Variants in CRYZ observed in about 807,000 individuals in gnomAD.
CRYZ encodes the protein zeta-crystallin.
Under a neutral mutation model 34.1 loss-of-function variants are expected in CRYZ, and 35 were observed. That is an observed-to-expected ratio of 1.03 (90% CI 0.78 to 1.36). The LOEUF (loss-of-function observed/expected upper bound fraction) is 1.36, where lower values mean the gene tolerates loss of function less well. Among genes scored for constraint, CRYZ ranks in the 40% most tolerant of loss-of-function variants. The pLI, the probability that CRYZ is intolerant of heterozygous loss-of-function variation, is 0.00. For synonymous variants in CRYZ, 137 were observed against 136.5 expected, an observed-to-expected ratio of 1.00 and a Z score of -0.03; for missense variants, 403 against 391.8, an observed-to-expected ratio of 1.03 and a Z score of -0.24.
intron 1 of CRYZ, 55 bp from the exon 2 acceptor site, chr1:74,724,889 G>GC (rs1647257726): frequency 9.5e-7 from 1 of 1,052,420 alleles, no homozygotes; most frequent in Non-Finnish European, 1.4e-6. Flanking sequence ...ATATCACCAT[G>GC]TTTTTCCCCC....
At position 74,713,145 on chromosome 1, in the gene CRYZ, C is replaced by T. The variant is rs1647026850; in HGVS notation, c.480+1434G>A. 3.3e-5 allele frequency among the ~76,000 whole-genome samples: 5 copies of T among 152,094 alleles called. No individual in the cohort carries two copies. In the South Asian group the frequency reaches 1.0e-3, roughly 32 times the overall value. ...CACACACCAGGTCACCAGCCTATCCCTGCCAGCTGAGGATTTAACAAACTC... is the reference window on the plus strand; with the variant it reads ...CACACACCAGGTCACCAGCCTATCCTTGCCAGCTGAGGATTTAACAAACTC... On this transcript the variant is annotated intron_variant, in intron 5 of 8. Transcript: ENST00000340866.
Position 74,723,125 on chromosome 1 carries a change from GC to G in CRYZ, c.256del (p.Ala86LeufsTer55). On this transcript the variant is annotated frameshift_variant, in exon 3 of 9. Coordinates refer to ENST00000340866, the MANE Select transcript of CRYZ (RefSeq NM_001889.4). LOFTEE classifies it high-confidence loss of function. ...TAATTAAAAATGCAATACCTTGAAA[GC>G]AGATGCATTATCTCCAACAGCTTCT... ...VIEAVGDNAS[A>X]FKKGDRVFTS... is the part of the protein sequence containing the mutation. 6.2e-7 allele frequency: 1 copy of G among 1,610,570 alleles called. No individual in the cohort carries two copies. Among genetic ancestry groups the G allele is most frequent in the Non-Finnish European group, 8.5e-7 (1 of 1,179,164 alleles).
intron 6 of CRYZ, 148 bp downstream of exon 6, chr1:74,709,950 A>T: frequency 1.6e-6 from 1 of 624,918 alleles, no homozygotes; most frequent in East Asian, 2.8e-5. Context: ...TTTTTTAAAT[A>T]AAGTTTTAAA....
At chr1:74,731,898 T>C (rs1647770853) in intron 1 of CRYZ, among the ~76,000 whole-genome samples, 1 of 152,194 alleles carries the variant, frequency 6.6e-6, no homozygotes, top group Non-Finnish European at 1.5e-5. Context: ...TGTTTTGTAA[T>C]TTTCTTTTGA....
intron 1 of CRYZ, among the ~76,000 whole-genome samples, chr1:74,731,414 AAATC>A (rs1370019233): frequency 6.6e-6 from 1 of 152,240 alleles, no homozygotes; most frequent in Non-Finnish European, 1.5e-5. Flanking sequence ...CTTAGAAAAA[AAATC>A]AATCATTACA....
rs764539685 is a variant in CRYZ at position 74,724,816 on chromosome 1, C to T, written c.6G>A (p.Ala2=). Residue 2 remains alanine (A), a synonymous_variant, in exon 2 of 9, where the codon GCG becomes GCA. Coordinates refer to ENST00000340866, the MANE Select transcript of CRYZ (RefSeq NM_001889.4). M[A]TGQKLMRAVR... The stretch of plus-strand genomic sequence containing the variant: ...CAGCTCTCATCAACTTCTGTCCAGT[C>T]GCCATGGTGATCTAGATACTAAGGA... The T allele has an allele frequency of 1.0e-5, 16 of 1,603,258 alleles. No homozygotes were observed. The highest frequency in any genetic ancestry group is 4.5e-5 in the East Asian group (2 of 44,728).
chr1:74,731,069 T>C (rs924218013), intron 1 of CRYZ, among the ~76,000 whole-genome samples: 3 of 152,182 alleles, frequency 2.0e-5, no homozygotes, highest in African/African-American at 7.2e-5. Context: ...ATACTTCAAA[T>C]AGGCCTTCCT....
chr1:74,712,345 T>C (rs1275633187), intron 5 of CRYZ, among the ~76,000 whole-genome samples: 2 of 152,156 alleles, frequency 1.3e-5, no homozygotes, highest in Non-Finnish European at 2.9e-5. Context: ...CTTCCCCAAG[T>C]TGTGACAACC....
At chr1:74,707,278 T>C (rs1026750230) in intron 6 of CRYZ, 74 bp from the exon 7 acceptor site, 62 of 801,480 alleles carry the variant, frequency 7.7e-5, no homozygotes, top group Admixed American at 1.3e-4. Context: ...CTGTACAAGA[T>C]ATTATAGAAA....
intron 1 of CRYZ, among the ~76,000 whole-genome samples, chr1:74,727,446 T>A: frequency 1.3e-5 from 1 of 77,922 alleles, no homozygotes. Context: ...ACCCCATCTC[T>A]ACTAAAAAAT....
chr1:74,727,655 A>AC (rs1346420119), intron 1 of CRYZ, among the ~76,000 whole-genome samples: 1 of 149,544 alleles, frequency 6.7e-6, no homozygotes, highest in Non-Finnish European at 1.5e-5. Context: ...AAAAAAAAAA[A>AC]AAAAAAAAAA....
At chr1:74,708,912 TAAG>T (rs965393053) in intron 6 of CRYZ, 3 of 151,978 alleles carry the variant, frequency 2.0e-5, no homozygotes, top group Non-Finnish European at 2.9e-5. Context: ...GTCAGGAAAG[TAAG>T]AAGAGAACCT....
rs759861591 is a variant in CRYZ at position 74,723,190 on chromosome 1, G to A, written c.192C>T (p.Leu64=). Residue 64 remains leucine, a synonymous_variant, in exon 3 of 9, where the codon CTC becomes CTT. Coordinates refer to ENST00000340866, the MANE Select transcript of CRYZ (RefSeq NM_001889.4). The stretch of plus-strand genomic sequence containing the variant: ...CATCTGAGCCAGGAGTATAGGGTAA[G>A]AGTGGTTTTCTACTATAAGTACCAG... ...IRSGTYSRKP[L]LPYTPGSDVA... 4 of 1,614,006 alleles carry A rather than the reference G, an allele frequency of 2.5e-6. No homozygotes were observed. In the South Asian group the frequency reaches 4.4e-5, roughly 18 times the overall value.
At chr1:74,713,598 T>C (rs1432696652) in intron 5 of CRYZ, among the ~76,000 whole-genome samples, 1 of 152,036 alleles carries the variant, frequency 6.6e-6, no homozygotes, top group African/African-American at 2.4e-5. Flanking sequence ...GTGATTCATC[T>C]ACCTAAAGAA....
chr1:74,709,550 C>T (rs750468826), intron 6 of CRYZ, among the ~76,000 whole-genome samples: 1 of 152,170 alleles, frequency 6.6e-6, no homozygotes, highest in Non-Finnish European at 1.5e-5. Context: ...AAGTGTTTAG[C>T]AAATTGCTAA....
chr1:74,718,816 C>A (rs763635379), intron 4 of CRYZ, among the ~76,000 whole-genome samples: 1 of 152,090 alleles, frequency 6.6e-6, no homozygotes, highest in Non-Finnish European at 1.5e-5. Flanking sequence ...TAATGGATAA[C>A]AAGATTTTTG....
In CRYZ at chr1:74,707,095, A is replaced by C; in HGVS notation, c.732+8T>G. 1.3e-6 allele frequency: 2 copies of C among 1,560,614 alleles called. No individual in the cohort carries two copies. Among genetic ancestry groups the C allele is most frequent in the Non-Finnish European group, 1.7e-6 (2 of 1,148,364 alleles). Reference sequence around the variant, plus strand: ...GGTAAAAAAAAAAAAAAGAAAAGGAATACTTACTATCACTCGTCCTCCATG... The same window carrying C: ...GGTAAAAAAAAAAAAAAGAAAAGGACTACTTACTATCACTCGTCCTCCATG... On this transcript the variant is annotated splice_region_variant and intron_variant, in intron 7 of 8. Transcript: ENST00000340866.
Position 74,706,229 on chromosome 1 carries a change from G to C in CRYZ, c.*67C>G, listed in dbSNP as rs1251185901. On this transcript the variant is annotated 3_prime_UTR_variant, in exon 9 of 9. Coordinates refer to ENST00000340866, the MANE Select transcript of CRYZ (RefSeq NM_001889.4). The stretch of plus-strand genomic sequence containing the variant: ...TCGAATGTTAATTAAAGAAAAGATA[G>C]GGTAAGTACAACTGGGGGAAAGACA... The C allele has an allele frequency of 3.9e-6, 5 of 1,273,132 alleles. No homozygotes were observed. In the African/African-American group the frequency reaches 7.5e-5, roughly 19 times the overall value. The allele number at this position is 1,273,132 out of a possible 1,614,324, so 78.9% of individuals were successfully genotyped here.
Position 74,706,206 on chromosome 1 carries a change from G to GA in CRYZ, c.*89dup. 2 of 1,114,482 alleles carry GA rather than the reference G, an allele frequency of 1.8e-6. No individual in the cohort carries two copies. Among genetic ancestry groups the GA allele is most frequent in the Non-Finnish European group, 2.5e-6 (2 of 807,816 alleles). 69.0% of individuals were successfully genotyped at this position (1,114,482 alleles called of 1,614,324 possible). On this transcript the variant is annotated 3_prime_UTR_variant, in exon 9 of 9. Transcript: ENST00000340866. ...TTTCACATAAGAAGCTCATGGAATC[G>GA]AATGTTAATTAAAGAAAAGATAGGG...
Sources: allele counts gnomAD v4.1 joint callset (sites outside exome capture counted in the v4.1 genomes callset), GRCh38; gene constraint gnomAD v4.1.1; transcripts MANE v1.5; gene names NCBI Gene and HGNC (gene_info 2026-07-23, HGNC 2026-07-21).